DAAM1: variants seen among roughly 807,000 people sequenced by gnomAD.
The protein encoded by DAAM1 is disheveled-associated activator of morphogenesis 1.
In DAAM1, 52 loss-of-function variants were observed where a neutral mutation model predicts 130.0. The ratio of observed to expected loss-of-function variants is 0.40; its 90% CI spans 0.32 to 0.50. The LOEUF is 0.50. Ranked by LOEUF, DAAM1 falls within the 20% of genes least tolerant of loss-of-function variation. The pLI, the probability that DAAM1 is intolerant of heterozygous loss-of-function variation, is 0.61. For missense variants in DAAM1, 1,134 were observed against 1,303.8 expected, an observed-to-expected ratio of 0.87 and a Z score of 2.01; for synonymous variants, 452 against 444.5, an observed-to-expected ratio of 1.02 and a Z score of -0.21.
chr14:59,222,505 T>C (rs747594826), intron 1 of DAAM1, among the ~76,000 whole-genome samples: 4 of 152,186 alleles, frequency 2.6e-5, no homozygotes, highest in Non-Finnish European at 4.4e-5. Context: ...GATTGGGCAC[T>C]CAGCAGTGGC....
At chr14:59,364,710 T>C (rs61984526) in intron 23 of DAAM1, among the ~76,000 whole-genome samples, 9,322 of 152,288 alleles carry the variant, frequency 0.061, 371 homozygotes, top group Non-Finnish European at 0.09. Context: ...TGGATGATTG[T>C]TTATGTAAAT....
chr14:59,368,048 GTT>G (rs1211124942), intron 24 of DAAM1, among the ~76,000 whole-genome samples: 2 of 152,046 alleles, frequency 1.3e-5, no homozygotes, highest in Admixed American at 1.3e-4. Flanking sequence ...ATCTTTTTCT[GTT>G]TTGTTTTTTA....
intron 23 of DAAM1, among the ~76,000 whole-genome samples, chr14:59,365,757 A>G (rs1032232369): frequency 2.0e-5 from 3 of 152,304 alleles, no homozygotes; most frequent in African/African-American, 7.2e-5. Context: ...CATGGTCTAA[A>G]TATGAAGAAA....
rs1886964317 is a variant in DAAM1 at position 59,367,461 on chromosome 14, G to A, written c.2859G>A (p.Glu953=). 1.2e-6 allele frequency: 2 copies of A among 1,613,040 alleles called. No individual in the cohort carries two copies. The highest frequency in any genetic ancestry group is 1.3e-5 in the African/African-American group (1 of 74,986). ...AAGCAGTGAAGCACTTTGGGGAAGA[G>A]GCTGGCAAAATACAACCAGATGAGT... ...FTKAVKHFGE[E]AGKIQPDEFF... The change falls in exon 24 of 25, where the codon GAG becomes GAA. Residue 953 remains glutamate (E), a synonymous_variant. Coordinates refer to ENST00000360909, the MANE Select transcript of DAAM1 (RefSeq NM_001270520.2).
intron 17 of DAAM1, among the ~76,000 whole-genome samples, chr14:59,351,194 ATT>A (rs1400986382): frequency 6.6e-6 from 1 of 152,008 alleles, no homozygotes; most frequent in African/African-American, 2.4e-5. Context: ...AGCCAGTTCC[ATT>A]TTAGTCTCAT....
intron 1 of DAAM1, among the ~76,000 whole-genome samples, chr14:59,247,358 T>G (rs893468343): frequency 3.9e-5 from 6 of 152,330 alleles, no homozygotes; most frequent in Admixed American, 6.5e-5. Flanking sequence ...CAAGATTGTT[T>G]TGGCTATTCA....
intron 1 of DAAM1, among the ~76,000 whole-genome samples, chr14:59,234,669 C>T (rs541833794): frequency 3.3e-5 from 5 of 152,120 alleles, no homozygotes; most frequent in South Asian, 4.2e-4. Flanking sequence ...CTGTGTTAAA[C>T]GGGAGTGGTG....
chr14:59,350,614 C>G (rs1446088182), intron 17 of DAAM1, among the ~76,000 whole-genome samples: 1 of 152,104 alleles, frequency 6.6e-6, no homozygotes, highest in Non-Finnish European at 1.5e-5. Flanking sequence ...CCTCCCCTCC[C>G]TAGAGCTCTT....
At chr14:59,297,923 C>A (rs1028321689) in intron 3 of DAAM1, among the ~76,000 whole-genome samples, 4 of 152,078 alleles carry the variant, frequency 2.6e-5, no homozygotes, top group African/African-American at 9.7e-5. Flanking sequence ...TAAGGGGGGA[C>A]TACTGTGTAA....
Position 59,355,347 on chromosome 14 carries a change from C to T in DAAM1, c.2525+14C>T. 2 of 1,612,740 alleles carry T rather than the reference C, an allele frequency of 1.2e-6. No individual in the cohort carries two copies. Among genetic ancestry groups the T allele is most frequent in the South Asian group, 1.1e-5 (1 of 90,720 alleles). Reference sequence around the variant, plus strand: ...CAGCATCGACAAGTAAGTATGAGATCTTCCAACACTTGGGGGAGCCAGGTG... The same window carrying T: ...CAGCATCGACAAGTAAGTATGAGATTTTCCAACACTTGGGGGAGCCAGGTG... On this transcript the variant is annotated intron_variant, in intron 20 of 24. Transcript: ENST00000360909.
intron 1 of DAAM1, among the ~76,000 whole-genome samples, chr14:59,192,366 C>T (rs1413860242): frequency 6.6e-6 from 1 of 152,120 alleles, no homozygotes; most frequent in Non-Finnish European, 1.5e-5. Context: ...TTTAAAGTTG[C>T]AGCTGTTGGA....
At chr14:59,302,876 A>T (rs957665979) in intron 3 of DAAM1, among the ~76,000 whole-genome samples, 4 of 152,110 alleles carry the variant, frequency 2.6e-5, no homozygotes, top group Admixed American at 2.0e-4. Flanking sequence ...CTGGTCTCGA[A>T]GTCCTGACCT....
intron 2 of DAAM1, among the ~76,000 whole-genome samples, chr14:59,273,738 G>T (rs1240815345): frequency 6.6e-6 from 1 of 152,232 alleles, no homozygotes; most frequent in African/African-American, 2.4e-5. Context: ...TATAAGTAGT[G>T]TGGTTTAGGT....
chr14:59,286,955 C>T (rs7154411), intron 2 of DAAM1, among the ~76,000 whole-genome samples: 33,046 of 151,916 alleles, frequency 0.22, 3,721 homozygotes, highest in East Asian at 0.33. Flanking sequence ...CACCCTGATA[C>T]CAAAGACTGG....
chr14:59,205,621 T>G (rs1224241039), intron 1 of DAAM1, among the ~76,000 whole-genome samples: 1 of 152,236 alleles, frequency 6.6e-6, no homozygotes, highest in Admixed American at 6.5e-5. Context: ...TTATTTCATA[T>G]CTGTATGTTC....
chr14:59,366,362 C>T lies in DAAM1; in HGVS notation c.2827-1067C>T, dbSNP rs1320819209. ...CTCAGTTGCTGTTTTCTCACTGAGA[C>T]CCTGAAAATATCTTAACAATAGCAG... On this transcript the variant is annotated intron_variant, in intron 23 of 24. Coordinates refer to ENST00000360909, the MANE Select transcript of DAAM1 (RefSeq NM_001270520.2). Among the ~76,000 whole-genome samples the T allele has an allele frequency of 3.9e-5, 6 of 152,248 alleles. No homozygotes were observed. In the East Asian group the frequency reaches 7.7e-4, roughly 20 times the overall value.
intron 2 of DAAM1, among the ~76,000 whole-genome samples, chr14:59,274,968 A>G (rs954664822): frequency 3.3e-5 from 5 of 152,220 alleles, no homozygotes; most frequent in Middle Eastern, 3.2e-3. Flanking sequence ...AATAGCTCCA[A>G]TGTGGGAAGA....
At chr14:59,266,400 G>C (rs1169171294) in intron 2 of DAAM1, among the ~76,000 whole-genome samples, 3 of 152,206 alleles carry the variant, frequency 2.0e-5, no homozygotes, top group Non-Finnish European at 4.4e-5. Context: ...ATGAGAGCGA[G>C]GAGCCCGTGT....
chr14:59,307,550 A>G (rs1191934478), intron 3 of DAAM1, among the ~76,000 whole-genome samples: 3 of 152,236 alleles, frequency 2.0e-5, no homozygotes, highest in African/African-American at 7.2e-5. Context: ...ATCTTCAAGT[A>G]TATTTTATTT....
Sources: gnomAD v4.1 joint callset for allele counts (sites outside exome capture counted in the v4.1 genomes callset) on GRCh38, gnomAD v4.1.1 for gene constraint, MANE v1.5 for transcripts, NCBI Gene and HGNC (gene_info 2026-07-23, HGNC 2026-07-21) for gene names.